Variants in ASCC3 observed in about 807,000 individuals in gnomAD.
The protein encoded by ASCC3 is activating signal cointegrator 1 complex subunit 3, also known as ASC-1 complex subunit P200.
In ASCC3, 158 loss-of-function variants were observed where a neutral mutation model predicts 256.3. That is an observed-to-expected ratio of 0.62 (90% CI 0.54 to 0.70). The LOEUF (loss-of-function observed/expected upper bound fraction) is 0.70, where lower values mean the gene tolerates loss of function less well. ASCC3 is among the 30% of genes least tolerant of loss of function. The probability of loss-of-function intolerance (pLI) is 0.00; values close to 1 mark genes in which losing one functional copy is unlikely to be tolerated. For missense variants in ASCC3, 2,259 were observed against 2,626.0 expected (o/e 0.86, Z 3.05); for synonymous variants, 948 against 883.4 (o/e 1.07, Z -1.30).
chr6:100,523,240 A>T (rs528451932), intron 37 of ASCC3, among the ~76,000 whole-genome samples: 16 of 151,952 alleles, frequency 1.1e-4, no homozygotes, highest in African/African-American at 3.6e-4. Flanking sequence ...TCATCTGATA[A>T]ATCAAGGAGT....
intron 36 of ASCC3, among the ~76,000 whole-genome samples, chr6:100,587,544 C>T (rs1771763803): frequency 6.6e-6 from 1 of 152,134 alleles, no homozygotes; most frequent in Non-Finnish European, 1.5e-5. Flanking sequence ...TGAGATAATA[C>T]AGACTGAGAC....
intron 30 of ASCC3, among the ~76,000 whole-genome samples, chr6:100,622,028 A>G (rs981040096): frequency 6.6e-6 from 1 of 152,118 alleles, no homozygotes; most frequent in African/African-American, 2.4e-5. Flanking sequence ...TATAAGTGGG[A>G]GCTGAAAAAT....
intron 3 of ASCC3, 144 bp from the exon 4 acceptor site, chr6:100,848,851 A>C: frequency 1.3e-6 from 1 of 792,124 alleles, no homozygotes; most frequent in Non-Finnish European, 2.1e-6. Flanking sequence ...GCTCCATATA[A>C]TCCCCACACT....
intron 4 of ASCC3, among the ~76,000 whole-genome samples, chr6:100,844,924 T>G (rs1293605842): frequency 6.6e-6 from 1 of 152,200 alleles, no homozygotes; most frequent in Non-Finnish European, 1.5e-5. Flanking sequence ...ATGTGCTTTC[T>G]ATGTAATAAA....
chr6:100,749,041 G>A (rs1456295584), intron 10 of ASCC3, among the ~76,000 whole-genome samples: 4 of 151,984 alleles, frequency 2.6e-5, no homozygotes, highest in Non-Finnish European at 5.9e-5. Flanking sequence ...ATGAATGTGA[G>A]GAAATTTCCT....
At chr6:100,685,646 C>CTTCAG (rs1436364880) in intron 13 of ASCC3, among the ~76,000 whole-genome samples, 1 of 152,192 alleles carries the variant, frequency 6.6e-6, no homozygotes, top group Non-Finnish European at 1.5e-5. Flanking sequence ...CAAATACCAT[C>CTTCAG]TTCTGAAGAA....
intron 25 of ASCC3, among the ~76,000 whole-genome samples, chr6:100,632,185 A>G (rs964687788): frequency 7.2e-6 from 1 of 139,124 alleles, no homozygotes; most frequent in African/African-American, 2.7e-5. Flanking sequence ...AACTATCTAA[A>G]AAAAAAAAAA....
intron 17 of ASCC3, among the ~76,000 whole-genome samples, chr6:100,655,415 T>TA (rs1056946412): frequency 2.6e-5 from 4 of 151,826 alleles, no homozygotes; most frequent in Non-Finnish European, 3.0e-5. Flanking sequence ...TCTCACAGTT[T>TA]AAAAAATCAC....
intron 17 of ASCC3, among the ~76,000 whole-genome samples, chr6:100,654,641 G>C (rs544063756): frequency 6.6e-6 from 1 of 151,976 alleles, no homozygotes; most frequent in African/African-American, 2.4e-5. Context: ...AGAGCAATTT[G>C]GCTGTAAATG....
chr6:100,762,270 AAAG>A (rs1305122935), intron 10 of ASCC3, among the ~76,000 whole-genome samples: 3 of 24,288 alleles, frequency 1.2e-4, no homozygotes, highest in Non-Finnish European at 4.2e-4. Context: ...AACAAATATA[AAAG>A]AAGAGAACAA....
chr6:100,846,584 C>T (rs1378660002), intron 4 of ASCC3, among the ~76,000 whole-genome samples: 1 of 152,156 alleles, frequency 6.6e-6, no homozygotes, highest in Non-Finnish European at 1.5e-5. Flanking sequence ...TGGCTCTTAC[C>T]TATCTGCATA....
At chr6:100,788,878 G>A (rs1388808101) in intron 8 of ASCC3, among the ~76,000 whole-genome samples, 3 of 151,898 alleles carry the variant, frequency 2.0e-5, no homozygotes, top group Non-Finnish European at 2.9e-5. Flanking sequence ...AGGTAAAAGA[G>A]GCAGTAGTAA....
At chr6:100,877,779 G>C (rs1769056763) in intron 1 of ASCC3, among the ~76,000 whole-genome samples, 2 of 152,158 alleles carry the variant, frequency 1.3e-5, no homozygotes, top group South Asian at 4.1e-4. Flanking sequence ...AGTGAATGGG[G>C]GATGGGCAAC....
chr6:100,584,735 C>G (rs1206741896), intron 36 of ASCC3, among the ~76,000 whole-genome samples: 1 of 151,934 alleles, frequency 6.6e-6, no homozygotes, highest in Non-Finnish European at 1.5e-5. Flanking sequence ...TTTTTCCTTT[C>G]CATATTTAGT....
At chr6:100,521,775 A>T (rs1004252988) in intron 37 of ASCC3, among the ~76,000 whole-genome samples, 1 of 152,236 alleles carries the variant, frequency 6.6e-6, no homozygotes, top group Non-Finnish European at 1.5e-5. Context: ...GATAGGGGCT[A>T]AGGCCAAGGG....
At chr6:100,789,190 A>T (rs1056722228) in intron 8 of ASCC3, among the ~76,000 whole-genome samples, 1 of 151,968 alleles carries the variant, frequency 6.6e-6, no homozygotes, top group African/African-American at 2.4e-5. Context: ...TGATCATCTT[A>T]TCTTTAAATT....
chr6:100,710,401 C>T (rs1319578476), intron 13 of ASCC3, among the ~76,000 whole-genome samples: 8 of 152,152 alleles, frequency 5.3e-5, no homozygotes, highest in Non-Finnish European at 1.0e-4. Flanking sequence ...CCAAGTCTAT[C>T]CTTTCTAACC....
rs187359221 is a variant in ASCC3 at position 100,625,248 on chromosome 6, C to T, written c.4729G>A (p.Ala1577Thr). ...QTRLTALELI[A>T]FLATEEDPKQ... ...GGATCTTCTTCAGTAGCCAGGAAGG[C>T]GATCAATTCCAAAGCAGTAAGACGA... is the stretch of plus-strand genomic sequence containing the variant. Residue 1577 changes from alanine to threonine, a missense_variant, in exon 30 of 42, where the codon GCC becomes ACC. By Grantham distance (58) the Ala-to-Thr change is moderately conservative (BLOSUM62 0). Around this residue, in one of 2 missense-constraint regions of ASCC3, gnomAD observed 1,839 missense variants for 2,206.7 expected, o/e 0.83. Coordinates refer to ENST00000369162, the MANE Select transcript of ASCC3 (RefSeq NM_006828.4). The T allele has an allele frequency of 1.5e-5, 25 of 1,612,920 alleles. No individual in the cohort carries two copies. The African/African-American group carries it at 2.1e-4, about 14-fold the overall frequency.
chr6:100,713,565 G>C (rs1040873220), intron 13 of ASCC3, among the ~76,000 whole-genome samples: 1 of 152,106 alleles, frequency 6.6e-6, no homozygotes, highest in Non-Finnish European at 1.5e-5. Flanking sequence ...TGTGGACTTT[G>C]AGTAACATCT....
Sources: gnomAD v4.1 joint callset for allele counts (sites outside exome capture counted in the v4.1 genomes callset) on GRCh38, gnomAD v4.1.1 for gene constraint, gnomAD v4.1.1 regional missense constraint, MANE v1.5 for transcripts, NCBI Gene and HGNC (gene_info 2026-07-23, HGNC 2026-07-21) for gene names.